Variants in LRRC37A2 observed in about 807,000 individuals in gnomAD.
LRRC37A2 encodes leucine-rich repeat-containing protein 37A2.
LRRC37A2 carries 9 observed loss-of-function variants against 68.8 expected under a neutral mutation model. The observed-to-expected ratio is 0.13, with a 90% CI of 0.08 to 0.23. LRRC37A2 has a LOEUF of 0.23. LRRC37A2 is among the 10% of genes least tolerant of loss of function. LRRC37A2 has a pLI of 1.00. For missense variants in LRRC37A2, 168 were observed against 950.4 expected, an observed-to-expected ratio of 0.18 and a Z score of 10.82; for synonymous variants, 63 against 367.6, an observed-to-expected ratio of 0.17 and a Z score of 9.48.
the LRRC37A2 span, among the ~76,000 whole-genome samples, chr17:46,766,403 T>C: frequency 2.0e-5 from 3 of 148,378 alleles, no homozygotes; most frequent in Admixed American, 2.0e-4. Context: ...AGAGACTCAG[T>C]CTCAAAAAAA....
At chr17:46,850,243 A>G in the LRRC37A2 span, among the ~76,000 whole-genome samples, 1 of 152,230 alleles carries the variant, frequency 6.6e-6, no homozygotes, top group African/African-American at 2.4e-5. Flanking sequence ...ATTTGACTCC[A>G]GGTCTCTGCA....
chr17:46,788,249 C>T, the LRRC37A2 span, among the ~76,000 whole-genome samples: 1 of 152,186 alleles, frequency 6.6e-6, no homozygotes, highest in Admixed American at 6.5e-5. Flanking sequence ...TTTCCTAAGC[C>T]ATGTTTGCAT....
chr17:47,000,610 A>G, the LRRC37A2 span, among the ~76,000 whole-genome samples: 1 of 152,058 alleles, frequency 6.6e-6, no homozygotes, highest in African/African-American at 2.4e-5. Context: ...CTACTCCTCA[A>G]TTGAACCTTC....
the LRRC37A2 span, among the ~76,000 whole-genome samples, chr17:46,749,040 C>T: frequency 6.6e-6 from 1 of 152,106 alleles, no homozygotes; most frequent in Admixed American, 6.6e-5. Context: ...AAATCCCCAT[C>T]TTCCATGGTA....
chr17:46,956,832 G>T, the LRRC37A2 span, among the ~76,000 whole-genome samples: 1 of 152,114 alleles, frequency 6.6e-6, no homozygotes, highest in African/African-American at 2.4e-5. Context: ...CCTCACTCCC[G>T]CCCCAAGACT....
chr17:46,895,359 A>G, the LRRC37A2 span, among the ~76,000 whole-genome samples: 1 of 152,212 alleles, frequency 6.6e-6, no homozygotes, highest in Non-Finnish European at 1.5e-5. Context: ...CAGGCTCAGG[A>G]GCTGGGCTGT....
chr17:46,546,923 C>T (rs1009740936), intron 9 of LRRC37A2, among the ~76,000 whole-genome samples: 1 of 5,900 alleles, frequency 1.7e-4, no homozygotes, highest in Non-Finnish European at 3.6e-4. Flanking sequence ...CATTCTTAGA[C>T]CATCCAACTC....
chr17:46,975,320 C>G, the LRRC37A2 span: 1 of 152,180 alleles, frequency 6.6e-6, no homozygotes, highest in African/African-American at 2.4e-5. Context: ...ACCCAAGGCC[C>G]TCTGAGATTT....
chr17:46,850,537 A>AT, the LRRC37A2 span, among the ~76,000 whole-genome samples: 47 of 152,240 alleles, frequency 3.1e-4, no homozygotes, highest in African/African-American at 1.1e-3. Context: ...TGCATGGCTG[A>AT]TTTTTTGGAA....
At chr17:46,810,292 G>A in the LRRC37A2 span, among the ~76,000 whole-genome samples, 1 of 152,180 alleles carries the variant, frequency 6.6e-6, no homozygotes, top group South Asian at 2.1e-4. Context: ...ACAGGCGTAA[G>A]CCCCATGCCC....
At chr17:46,787,002 A>G in the LRRC37A2 span, among the ~76,000 whole-genome samples, 1 of 151,900 alleles carries the variant, frequency 6.6e-6, no homozygotes, top group East Asian at 1.9e-4. Context: ...CAGTGGCACA[A>G]TCACAGCTTA....
chr17:46,949,945 C>G, the LRRC37A2 span, among the ~76,000 whole-genome samples: 1 of 152,208 alleles, frequency 6.6e-6, no homozygotes, highest in African/African-American at 2.4e-5. Context: ...TCATTAGTCC[C>G]TGCCCTCCTC....
At chr17:46,931,544 G>T in the LRRC37A2 span, 5 of 374,662 alleles carry the variant, frequency 1.3e-5, no homozygotes, top group South Asian at 1.6e-4. Flanking sequence ...GTTCCTGCTG[G>T]GTTCTTCTTG....
the LRRC37A2 span, chr17:46,768,752 C>A: frequency 1.2e-6 from 2 of 1,614,058 alleles, no homozygotes; most frequent in Admixed American, 3.3e-5. The surrounding 1 kb of genome is among the most constrained non-coding windows in gnomAD (Gnocchi z 5.0). Flanking sequence ...CACAGCTGCC[C>A]GACAGCCCGT....
At chr17:46,417,780 AT>A in the LRRC37A2 span, among the ~76,000 whole-genome samples, 16 of 63,042 alleles carry the variant, frequency 2.5e-4, no homozygotes, top group Non-Finnish European at 2.5e-4. Flanking sequence ...AGTTAGCAGT[AT>A]TTTTTTTTTC....
At chr17:46,721,285 C>T in the LRRC37A2 span, among the ~76,000 whole-genome samples, 1 of 152,196 alleles carries the variant, frequency 6.6e-6, no homozygotes, top group Non-Finnish European at 1.5e-5. Context: ...CACAGGTGGA[C>T]ATAACGGGCT....
chr17:46,906,752 A>AC, the LRRC37A2 span, among the ~76,000 whole-genome samples: 1 of 151,976 alleles, frequency 6.6e-6, no homozygotes, highest in Non-Finnish European at 1.5e-5. Flanking sequence ...TAAGCAACTT[A>AC]CCCAAGATCA....
At chr17:46,804,778 G>T in the LRRC37A2 span, among the ~76,000 whole-genome samples, 1 of 152,190 alleles carries the variant, frequency 6.6e-6, no homozygotes, top group African/African-American at 2.4e-5. Flanking sequence ...GCACCAATCA[G>T]TGCTCTGTAA....
chr17:46,998,094 C>A, the LRRC37A2 span, among the ~76,000 whole-genome samples: 1 of 151,986 alleles, frequency 6.6e-6, no homozygotes, highest in Non-Finnish European at 1.5e-5. Flanking sequence ...TTGATTTAAT[C>A]AAAATGTTAG....
Sources: allele counts gnomAD v4.1 joint callset (sites outside exome capture counted in the v4.1 genomes callset), GRCh38; gene constraint gnomAD v4.1.1; non-coding constraint Gnocchi (gnomAD v3.1); transcripts MANE v1.5; gene names NCBI Gene and HGNC (gene_info 2026-07-23, HGNC 2026-07-21).